The following RUNDC3B variants were observed in gnomAD, a reference collection of about 807,000 sequenced individuals.
RUNDC3B encodes the protein RUN domain-containing protein 3B.
Under a neutral mutation model 58.4 loss-of-function variants are expected in RUNDC3B, and 33 were observed. The observed-to-expected ratio is 0.56, with a 90% confidence interval of 0.43 to 0.75. The LOEUF (loss-of-function observed/expected upper bound fraction) is 0.75, where lower values mean the gene tolerates loss of function less well. Ranked by LOEUF, RUNDC3B falls within the 30% of genes least tolerant of loss-of-function variation. RUNDC3B has a pLI of 0.00. For synonymous variants in RUNDC3B, 193 were observed against 195.2 expected, an observed-to-expected ratio of 0.99 and a Z score of 0.10; for missense variants, 501 against 535.7, an observed-to-expected ratio of 0.94 and a Z score of 0.64.
chr7:87,765,231 C>T (rs566242115), intron 6 of RUNDC3B, among the ~76,000 whole-genome samples: 2 of 151,322 alleles, frequency 1.3e-5, no homozygotes, highest in African/African-American at 4.8e-5. Flanking sequence ...TTTTTTTAAC[C>T]TTTCAAAAAA....
chr7:87,763,937 A>G (rs564102672), intron 6 of RUNDC3B, among the ~76,000 whole-genome samples: 1 of 151,942 alleles, frequency 6.6e-6, no homozygotes, highest in South Asian at 2.1e-4. Context: ...CACAGATCAC[A>G]GAGGATGAAA....
chr7:87,790,363 A>G (rs954669633), intron 8 of RUNDC3B, among the ~76,000 whole-genome samples: 2 of 152,204 alleles, frequency 1.3e-5, no homozygotes, highest in African/African-American at 4.8e-5. Context: ...AAGCCTTCTC[A>G]AAAAGAATGG....
At chr7:87,762,388 C>A (rs1647624068) in intron 6 of RUNDC3B, among the ~76,000 whole-genome samples, 1 of 151,308 alleles carries the variant, frequency 6.6e-6, no homozygotes, top group South Asian at 2.1e-4. Context: ...ACAGTTTTTA[C>A]ATCCATATGT....
At chr7:87,636,302 A>G (rs1821766660) in intron 1 of RUNDC3B, among the ~76,000 whole-genome samples, 1 of 152,100 alleles carries the variant, frequency 6.6e-6, no homozygotes, top group Non-Finnish European at 1.5e-5. Flanking sequence ...TGGTGGTTTT[A>G]GTTTGCATTT....
At chr7:87,718,582 A>G (rs1201952296) in intron 4 of RUNDC3B, among the ~76,000 whole-genome samples, 2 of 152,138 alleles carry the variant, frequency 1.3e-5, no homozygotes, top group Non-Finnish European at 2.9e-5. Context: ...TCTGCACACC[A>G]TATTCATACA....
At chr7:87,792,298 C>G (rs747982170) in intron 8 of RUNDC3B, among the ~76,000 whole-genome samples, 8 of 152,050 alleles carry the variant, frequency 5.3e-5, no homozygotes, top group Non-Finnish European at 1.0e-4. Context: ...CAGCATTGGA[C>G]AGATCTTTCA....
intron 8 of RUNDC3B, among the ~76,000 whole-genome samples, chr7:87,780,289 T>C (rs1047285973): frequency 6.6e-6 from 1 of 152,224 alleles, no homozygotes; most frequent in African/African-American, 2.4e-5. Context: ...TTATCATCTG[T>C]TGTTTTGCAA....
At chr7:87,710,704 G>A in intron 4 of RUNDC3B, 49 bp downstream of exon 4, 1 of 1,009,664 alleles carries the variant, frequency 9.9e-7, no homozygotes, top group Non-Finnish European at 1.5e-6. Context: ...AGAATCACCT[G>A]AAGACTCAGA....
chr7:87,754,596 C>A (rs1450789197), intron 6 of RUNDC3B, among the ~76,000 whole-genome samples: 1 of 152,024 alleles, frequency 6.6e-6, no homozygotes, highest in African/African-American at 2.4e-5. Context: ...CAGAGCTAAA[C>A]TGAAGGAAAT....
intron 8 of RUNDC3B, among the ~76,000 whole-genome samples, 198 bp from the exon 9 acceptor site, chr7:87,807,175 C>T (rs1047161882): frequency 5.3e-5 from 8 of 151,754 alleles, no homozygotes; most frequent in Admixed American, 2.0e-4. Context: ...TTGTAACCAG[C>T]GGAAAAAAAA....
Position 87,628,624 on chromosome 7 carries a change from TGG to T in RUNDC3B, c.-199_-198del, listed in dbSNP as rs1491435643. On this transcript the variant is annotated 5_prime_UTR_variant, in exon 1 of 11. Transcript: ENST00000394654. ...GTGTGTGTGTGTGTGTGTGTGTGTG[TGG>T]AGCTCGGGTGCCAAGGGCGAGCCGT... is the stretch of plus-strand genomic sequence containing the variant. The T allele has an allele frequency of 7.3e-5, 23 of 316,234 alleles. No individual in the cohort carries two copies. Among genetic ancestry groups the T allele is most frequent in the Non-Finnish European group, 6.2e-5 (11 of 178,790 alleles). 19.6% of individuals were successfully genotyped at this position (316,234 alleles called of 1,614,324 possible). A position where few individuals can be genotyped will look rare whatever the true frequency, so the allele number is the denominator to read the frequency against.
intron 4 of RUNDC3B, among the ~76,000 whole-genome samples, chr7:87,725,768 T>C (rs1831191312): frequency 6.6e-6 from 1 of 152,190 alleles, no homozygotes; most frequent in African/African-American, 2.4e-5. Context: ...TCCTGACCTT[T>C]TAATAATCGC....
chr7:87,768,494 G>C (rs1311397249), intron 6 of RUNDC3B, among the ~76,000 whole-genome samples: 1 of 152,242 alleles, frequency 6.6e-6, no homozygotes, highest in African/African-American at 2.4e-5. Context: ...CACTGCTTCA[G>C]CTCAGGTTTG....
At position 87,831,107 on chromosome 7, in the gene RUNDC3B, T is replaced by A. The variant is rs1046722422; in HGVS notation, c.*1077T>A. 3.7e-4 allele frequency: 51 copies of A among 137,270 alleles called. No individual in the cohort carries two copies. Among genetic ancestry groups the A allele is most frequent in the African/African-American group, 1.5e-3 (49 of 33,484 alleles). 8.5% of individuals were successfully genotyped at this position (137,270 alleles called of 1,614,324 possible). A position where few individuals can be genotyped will look rare whatever the true frequency, so the allele number is the denominator to read the frequency against. ...TTTTTTTTAAAGTTGTAATCTGTAC[T>A]TTTTTTTTTTTGCAATTTTTGAAAC... On this transcript the variant is annotated 3_prime_UTR_variant, in exon 11 of 11. Transcript: ENST00000394654.
chr7:87,826,272 C>T (rs187289081), intron 10 of RUNDC3B, among the ~76,000 whole-genome samples: 2 of 152,064 alleles, frequency 1.3e-5, no homozygotes, highest in Non-Finnish European at 2.9e-5. Flanking sequence ...ATGAGTCTCA[C>T]GAAATCTGAT....
chr7:87,728,121 A>G (rs1831355143), intron 4 of RUNDC3B, among the ~76,000 whole-genome samples: 1 of 152,188 alleles, frequency 6.6e-6, no homozygotes. Flanking sequence ...TTATAACTCC[A>G]GTGTTTGCAG....
At chr7:87,654,817 G>A (rs932776638) in intron 2 of RUNDC3B, among the ~76,000 whole-genome samples, 2 of 151,946 alleles carry the variant, frequency 1.3e-5, no homozygotes, top group African/African-American at 4.8e-5. Flanking sequence ...CGGATAAGGG[G>A]CTAATTTCCA....
chr7:87,828,467 T>C (rs1014659012), intron 10 of RUNDC3B, among the ~76,000 whole-genome samples: 3 of 152,206 alleles, frequency 2.0e-5, no homozygotes, highest in Non-Finnish European at 4.4e-5. Context: ...AGAGATTATA[T>C]GTGGTATTTG....
chr7:87,786,837 A>G (rs757718511), intron 8 of RUNDC3B, among the ~76,000 whole-genome samples: 24 of 152,134 alleles, frequency 1.6e-4, no homozygotes, highest in Non-Finnish European at 3.2e-4. Context: ...ATTCTGTCGT[A>G]TTTCTGGATG....
Sources: gnomAD v4.1 joint callset for allele counts (sites outside exome capture counted in the v4.1 genomes callset) on GRCh38, gnomAD v4.1.1 for gene constraint, MANE v1.5 for transcripts, NCBI Gene and HGNC (gene_info 2026-07-23, HGNC 2026-07-21) for gene names.